ZNF804A: variants seen among roughly 807,000 people sequenced by gnomAD.
The protein encoded by ZNF804A is zinc finger protein 804A.
ZNF804A carries 2 observed loss-of-function variants against 16.5 expected under a neutral mutation model. The ratio of observed to expected loss-of-function variants is 0.12; its 90% CI spans 0.05 to 0.38. The LOEUF is 0.38. Among genes scored for constraint, ZNF804A ranks in the 10% least tolerant of loss-of-function variants. The pLI is 0.99. For missense variants in ZNF804A, 1,473 were observed against 1,390.7 expected, an observed-to-expected ratio of 1.06 and a Z score of -0.94; for synonymous variants, 534 against 489.6, an observed-to-expected ratio of 1.09 and a Z score of -1.20.
chr2:184,777,040 C>T (rs1042951444), intron 1 of ZNF804A, among the ~76,000 whole-genome samples: 4 of 151,658 alleles, frequency 2.6e-5, no homozygotes, highest in African/African-American at 9.6e-5. Flanking sequence ...GAGCAGAGAA[C>T]TTCTTGAATC....
rs559109817 is a variant in ZNF804A, at chr2:184,820,640, A to G, written c.112-45729A>G. Among the ~76,000 whole-genome samples, 3 of 151,976 alleles carry G rather than the reference A, an allele frequency of 2.0e-5. No homozygotes were observed. In the South Asian group the frequency reaches 6.2e-4, roughly 32 times the overall value. On this transcript the variant is annotated intron_variant, in intron 1 of 3. Transcript: ENST00000302277. ...GGAAGTCAAATTATCTTTTTTTGCC[A>G]ATGACATGATCCTATATATAGAAAA... is the stretch of plus-strand genomic sequence containing the variant.
At chr2:184,649,875 G>C (rs1691950911) in intron 1 of ZNF804A, among the ~76,000 whole-genome samples, 1 of 148,234 alleles carries the variant, frequency 6.7e-6, no homozygotes, top group Non-Finnish European at 1.5e-5. Context: ...TCACAGCTAT[G>C]TTTCAGCAGA....
At chr2:184,656,565 T>A (rs1692077190) in intron 1 of ZNF804A, among the ~76,000 whole-genome samples, 1 of 152,108 alleles carries the variant, frequency 6.6e-6, no homozygotes, top group South Asian at 2.1e-4. Flanking sequence ...TTAATTAACC[T>A]TAAGTGTTTA....
intron 1 of ZNF804A, among the ~76,000 whole-genome samples, chr2:184,765,116 AT>A (rs1338440474): frequency 1.3e-5 from 2 of 152,178 alleles, no homozygotes; most frequent in African/African-American, 2.4e-5. Context: ...TTTAATTGGT[AT>A]ATTCGTAAGA....
In ZNF804A at chr2:184,888,644, A is replaced by G. The variant is rs1212207192; in HGVS notation, c.255+22132A>G. On this transcript the variant is annotated intron_variant, in intron 2 of 3. Transcript: ENST00000302277. Reference sequence around the variant, plus strand: ...GTATGTCAGAATCATGGAGTCCAGAACTACTCCTCAGTTCTAAATGCTGCC... The same window carrying G: ...GTATGTCAGAATCATGGAGTCCAGAGCTACTCCTCAGTTCTAAATGCTGCC... Among the ~76,000 whole-genome samples the G allele has an allele frequency of 2.6e-5, 4 of 152,168 alleles. No individual in the cohort carries two copies. In the East Asian group the frequency reaches 7.7e-4, roughly 29 times the overall value.
intron 1 of ZNF804A, among the ~76,000 whole-genome samples, chr2:184,807,687 CT>C (rs998844762): frequency 2.1e-4 from 32 of 151,534 alleles, no homozygotes; most frequent in Middle Eastern, 6.8e-3. Context: ...CCCATAGAGT[CT>C]TTTTTTTCCC....
intron 1 of ZNF804A, among the ~76,000 whole-genome samples, chr2:184,635,552 T>C (rs35431480): frequency 0.12 from 18,969 of 152,188 alleles, 1,264 homozygotes; most frequent in Middle Eastern, 0.23. Flanking sequence ...TGACCACTTA[T>C]ATTTTAATAT....
rs370042078 is a variant in ZNF804A, at chr2:184,935,995, T to A, written c.599T>A (p.Val200Asp). 2.5e-6 allele frequency: 4 copies of A among 1,613,880 alleles called. No homozygotes were observed. The African/African-American group carries it at 4.0e-5, about 16-fold the overall frequency. Reference sequence around the variant, plus strand: ...AATTATACAGCAAAAAATAACCAAGTTGGGGATCAAGCCCAGGGGATTCAC... The same window carrying A: ...AATTATACAGCAAAAAATAACCAAGATGGGGATCAAGCCCAGGGGATTCAC... ...ANNYTAKNNQ[V>D]GDQAQGIHRH... Residue 200 changes from valine (V) to aspartate (D), a missense_variant, in exon 4 of 4, where the codon GTT becomes GAT. Val to Asp is a radical substitution (Grantham distance 152, BLOSUM62 -3). Coordinates refer to ENST00000302277, the MANE Select transcript of ZNF804A (RefSeq NM_194250.2).
At chr2:184,696,927 A>T (rs909929381) in intron 1 of ZNF804A, among the ~76,000 whole-genome samples, 4 of 152,024 alleles carry the variant, frequency 2.6e-5, no homozygotes, top group African/African-American at 9.7e-5. Context: ...TAACGAAAAA[A>T]AATCACCCAG....
intron 2 of ZNF804A, among the ~76,000 whole-genome samples, chr2:184,920,545 C>T (rs140007019): frequency 6.6e-6 from 1 of 152,206 alleles, no homozygotes; most frequent in African/African-American, 2.4e-5. Flanking sequence ...AATTCCCTTC[C>T]CTTGTATGTG....
intron 1 of ZNF804A, among the ~76,000 whole-genome samples, chr2:184,636,456 A>T (rs74178525): frequency 0.29 from 29,413 of 102,048 alleles, 4,262 homozygotes; most frequent in Middle Eastern, 0.39. Flanking sequence ...TGTGTGTGAG[A>T]GAGAGAGAGA....
chr2:184,737,741 C>G (rs114973653), intron 1 of ZNF804A, among the ~76,000 whole-genome samples: 2,543 of 152,178 alleles, frequency 0.017, 86 homozygotes, highest in African/African-American at 0.057. Context: ...TATGAATAAA[C>G]TCTTCGACTT....
intron 1 of ZNF804A, among the ~76,000 whole-genome samples, chr2:184,780,808 G>C (rs1268588028): frequency 6.6e-6 from 1 of 151,782 alleles, no homozygotes; most frequent in Non-Finnish European, 1.5e-5. Context: ...GCAATGAGCA[G>C]TAAACTGAAG....
intron 2 of ZNF804A, among the ~76,000 whole-genome samples, chr2:184,886,027 G>A (rs1684884415): frequency 6.6e-6 from 1 of 152,106 alleles, no homozygotes; most frequent in African/African-American, 2.4e-5. Flanking sequence ...GAAGTCCACA[G>A]TCCAAAGTCT....
At chr2:184,836,344 A>T (rs1259901436) in intron 1 of ZNF804A, among the ~76,000 whole-genome samples, 1 of 152,122 alleles carries the variant, frequency 6.6e-6, no homozygotes, top group Non-Finnish European at 1.5e-5. Context: ...TCGTGTTCAC[A>T]AACCTAGGGG....
intron 1 of ZNF804A, among the ~76,000 whole-genome samples, chr2:184,701,831 C>T (rs1003430855): frequency 1.3e-5 from 2 of 151,932 alleles, no homozygotes; most frequent in Non-Finnish European, 1.5e-5. Flanking sequence ...TTTAAGGCCA[C>T]TCTATGTCAC....
chr2:184,894,613 T>C (rs903465891), intron 2 of ZNF804A, among the ~76,000 whole-genome samples: 5 of 152,200 alleles, frequency 3.3e-5, no homozygotes, highest in East Asian at 3.9e-4. Flanking sequence ...ATTACTATAT[T>C]GATAAAATTA....
chr2:184,838,328 G>A (rs774187256), intron 1 of ZNF804A, among the ~76,000 whole-genome samples: 13 of 151,826 alleles, frequency 8.6e-5, no homozygotes, highest in African/African-American at 1.5e-4. Context: ...GTTTGATCTC[G>A]GGCAGGTTAA....
At chr2:184,758,262 A>G (rs1357032561) in intron 1 of ZNF804A, among the ~76,000 whole-genome samples, 2 of 152,022 alleles carry the variant, frequency 1.3e-5, no homozygotes, top group Non-Finnish European at 2.9e-5. Flanking sequence ...CATTCAAGAT[A>G]GCGAATTAGG....
Sources: gnomAD v4.1 joint callset for allele counts (sites outside exome capture counted in the v4.1 genomes callset) on GRCh38, gnomAD v4.1.1 for gene constraint, MANE v1.5 for transcripts, NCBI Gene and HGNC (gene_info 2026-07-23, HGNC 2026-07-21) for gene names.